Variants in GPC6 observed in about 807,000 individuals in gnomAD.
The protein encoded by GPC6 is glypican-6.
GPC6 carries 14 observed loss-of-function variants against 55.2 expected under a neutral mutation model. That is an observed-to-expected ratio of 0.25 (90% CI 0.17 to 0.40). The LOEUF (loss-of-function observed/expected upper bound fraction) is 0.40. Ranked by LOEUF, GPC6 falls within the 10% of genes least tolerant of loss-of-function variation. The pLI is 1.00. For synonymous variants in GPC6, 278 were observed against 259.6 expected (o/e 1.07, Z -0.68); for missense variants, 641 against 708.5 (o/e 0.90, Z 1.08).
chr13:93,362,341 G>T (rs1000018928), intron 1 of GPC6, among the ~76,000 whole-genome samples: 3 of 152,086 alleles, frequency 2.0e-5, no homozygotes, highest in Non-Finnish European at 4.4e-5. Context: ...TTTCTGAGTG[G>T]TAGATCCATT....
rs187373330 is a variant in GPC6 at position 93,269,163 on chromosome 13, C to A, written c.160+41547C>A. On this transcript the variant is annotated intron_variant, in intron 1 of 8. Coordinates refer to ENST00000377047, the MANE Select transcript of GPC6 (RefSeq NM_005708.5). The stretch of plus-strand genomic sequence containing the variant: ...ACATAGTTGACCTAGAGAGAAGATG[C>A]GTTTGTCTAGCAATATTATTTTCAG... Among the ~76,000 whole-genome samples the A allele has an allele frequency of 2.3e-3, 343 of 152,106 alleles. 1 individual carries two copies. The highest frequency in any genetic ancestry group is 7.7e-3 in the African/African-American group (320 of 41,510).
chr13:93,216,654 C>A, the GPC6 span, among the ~76,000 whole-genome samples: 1 of 152,142 alleles, frequency 6.6e-6, no homozygotes, highest in African/African-American at 2.4e-5. Context: ...CAGTCTAGAA[C>A]ATAGCAATGA....
At chr13:93,542,247 G>A (rs1391535189) in intron 1 of GPC6, among the ~76,000 whole-genome samples, 1 of 152,172 alleles carries the variant, frequency 6.6e-6, no homozygotes. Context: ...CATATGGCTA[G>A]CCAGTTTTCC....
chr13:93,255,242 G>A (rs891903153), intron 1 of GPC6, among the ~76,000 whole-genome samples: 7 of 151,906 alleles, frequency 4.6e-5, no homozygotes, highest in African/African-American at 1.5e-4. Context: ...CATAGTTTTC[G>A]GGTACGCATG....
intron 3 of GPC6, among the ~76,000 whole-genome samples, chr13:93,964,299 T>C (rs1253314803): frequency 6.6e-6 from 1 of 152,156 alleles, no homozygotes; most frequent in Non-Finnish European, 1.5e-5. Flanking sequence ...GTGGTGGTAC[T>C]AACCCTGGGA....
intron 4 of GPC6, 33 bp downstream of exon 4, chr13:94,027,927 G>A: frequency 6.3e-7 from 1 of 1,596,814 alleles, no homozygotes; most frequent in Non-Finnish European, 8.6e-7. Flanking sequence ...CGAGAACAGA[G>A]ACGGGACAAC....
intron 3 of GPC6, among the ~76,000 whole-genome samples, chr13:93,910,605 G>T (rs1876918813): frequency 6.6e-6 from 1 of 152,004 alleles, no homozygotes; most frequent in South Asian, 2.1e-4. Flanking sequence ...CCAGATACTA[G>T]ATTGGCCTCA....
At chr13:93,949,824 T>C (rs1243860101) in intron 3 of GPC6, among the ~76,000 whole-genome samples, 1 of 152,148 alleles carries the variant, frequency 6.6e-6, no homozygotes, top group Non-Finnish European at 1.5e-5. Flanking sequence ...ACCTCTGGGC[T>C]CCCGTGATCC....
At chr13:94,343,312 A>G (rs959807424) in intron 6 of GPC6, among the ~76,000 whole-genome samples, 18 of 152,210 alleles carry the variant, frequency 1.2e-4, no homozygotes, top group African/African-American at 4.3e-4. Context: ...GACACCGGCT[A>G]CATGGATTCC....
intron 4 of GPC6, among the ~76,000 whole-genome samples, chr13:94,283,191 G>C (rs115385395): frequency 0.019 from 2,821 of 152,246 alleles, 91 homozygotes; most frequent in African/African-American, 0.064. Flanking sequence ...TACAGTACCT[G>C]GAGGTGGTGA....
intron 6 of GPC6, among the ~76,000 whole-genome samples, chr13:94,341,715 A>C (rs9589959): frequency 0.012 from 1,777 of 152,336 alleles, 30 homozygotes; most frequent in African/African-American, 0.038. Flanking sequence ...TCAAAGGAAA[A>C]TATCTTTCAT....
At chr13:94,007,913 A>C (rs1882085216) in intron 3 of GPC6, among the ~76,000 whole-genome samples, 1 of 152,168 alleles carries the variant, frequency 6.6e-6, no homozygotes, top group South Asian at 2.1e-4. Context: ...ACTTAAAGTC[A>C]CTTAAAAAAA....
At chr13:93,423,021 A>G (rs548654154) in intron 1 of GPC6, among the ~76,000 whole-genome samples, 1 of 151,496 alleles carries the variant, frequency 6.6e-6, no homozygotes, top group East Asian at 1.9e-4. Flanking sequence ...AGCATTGGGT[A>G]GTGGTTAGAA....
chr13:93,232,595 G>C (rs1291502717), intron 1 of GPC6, among the ~76,000 whole-genome samples: 1 of 152,108 alleles, frequency 6.6e-6, no homozygotes, highest in African/African-American at 2.4e-5. Flanking sequence ...CAACTGCATT[G>C]TATCTTAATA....
intron 2 of GPC6, among the ~76,000 whole-genome samples, chr13:93,710,454 T>A (rs1883014335): frequency 1.3e-5 from 2 of 151,750 alleles, no homozygotes; most frequent in South Asian, 4.1e-4. Context: ...GTGTAGTGAA[T>A]CAGGCAGATA....
intron 8 of GPC6, among the ~76,000 whole-genome samples, chr13:94,401,668 T>C (rs1881135801): frequency 6.6e-6 from 1 of 151,964 alleles, no homozygotes; most frequent in South Asian, 2.1e-4. Flanking sequence ...GAACGGGTAG[T>C]TGGATTCTAA....
chr13:93,329,782 G>GT (rs1374613590), intron 1 of GPC6, among the ~76,000 whole-genome samples: 1 of 151,738 alleles, frequency 6.6e-6, no homozygotes, highest in Non-Finnish European at 1.5e-5. Context: ...ATCATGGTCT[G>GT]TTTTTTTCCT....
intron 1 of GPC6, among the ~76,000 whole-genome samples, chr13:93,299,048 A>G (rs1179949441): frequency 6.6e-6 from 1 of 152,094 alleles, no homozygotes; most frequent in Non-Finnish European, 1.5e-5. Context: ...CTCAGTAAAG[A>G]TTTATTGAAT....
chr13:94,301,875 A>G (rs1326463868), intron 5 of GPC6, among the ~76,000 whole-genome samples: 1 of 152,184 alleles, frequency 6.6e-6, no homozygotes, highest in East Asian at 1.9e-4. Flanking sequence ...TATCCATCAC[A>G]TTATTATTTC....
Sources: gnomAD v4.1 joint callset for allele counts (sites outside exome capture counted in the v4.1 genomes callset) on GRCh38, gnomAD v4.1.1 for gene constraint, MANE v1.5 for transcripts, NCBI Gene and HGNC (gene_info 2026-07-23, HGNC 2026-07-21) for gene names.